The following PODXL variants were observed in gnomAD, a reference collection of about 807,000 sequenced individuals.
PODXL encodes the protein podocalyxin like, also known as podocalyxin.
Under a neutral mutation model 48.9 loss-of-function variants are expected in PODXL, and 20 were observed. That is an observed-to-expected ratio of 0.41 (90% CI 0.29 to 0.59). The LOEUF is 0.59. Ranked by LOEUF, PODXL falls within the 20% of genes least tolerant of loss-of-function variation. The pLI is 0.31. For missense variants in PODXL, 606 were observed against 675.1 expected (o/e 0.90, Z 1.13); for synonymous variants, 295 against 287.4 (o/e 1.03, Z -0.27).
chr7:131,546,725 CAAAAA>C (rs10593482), intron 1 of PODXL, among the ~76,000 whole-genome samples: 1,118 of 50,126 alleles, frequency 0.022, 20 homozygotes, highest in African/African-American at 0.074. Context: ...GGCCCTGTCT[CAAAAA>C]AAAAAAAAAA....
chr7:131,544,304 G>A (rs1041586246), intron 1 of PODXL, among the ~76,000 whole-genome samples: 7 of 152,226 alleles, frequency 4.6e-5, no homozygotes, highest in Non-Finnish European at 8.8e-5. Flanking sequence ...TTGCCCTAGA[G>A]TGCCTGTGGC....
intron 1 of PODXL, among the ~76,000 whole-genome samples, chr7:131,539,680 G>A (rs533568629): frequency 3.0e-4 from 46 of 152,336 alleles, no homozygotes; most frequent in African/African-American, 1.1e-3. Context: ...TATCCTTACT[G>A]AGGGCGGGGC....
At chr7:131,505,209 C>T (rs1434176457) in intron 8 of PODXL, among the ~76,000 whole-genome samples, 3 of 152,156 alleles carry the variant, frequency 2.0e-5, no homozygotes, top group African/African-American at 4.8e-5. Flanking sequence ...TTTGGTTAGA[C>T]AGAACACCTA....
At chr7:131,507,474 C>T (rs528205748) in intron 5 of PODXL, among the ~76,000 whole-genome samples, 1 of 152,276 alleles carries the variant, frequency 6.6e-6, no homozygotes, top group South Asian at 2.1e-4. Context: ...CTAGGGGCAC[C>T]CCTCCCTGGG....
intron 1 of PODXL, among the ~76,000 whole-genome samples, chr7:131,541,245 T>C (rs1316744397): frequency 1.3e-5 from 2 of 151,034 alleles, no homozygotes; most frequent in East Asian, 1.9e-4. Context: ...GCCCAGGAGG[T>C]GGAAGAAAAA....
intron 1 of PODXL, among the ~76,000 whole-genome samples, chr7:131,528,733 CAAAGGTTT>C (rs1798226921): frequency 6.6e-6 from 1 of 152,114 alleles, no homozygotes; most frequent in Non-Finnish European, 1.5e-5. Flanking sequence ...AAAATGGAGG[CAAAGGTTT>C]ATCTGAGAAT....
chr7:131,510,160 A>T (rs1317325095), intron 3 of PODXL, 76 bp downstream of exon 3: 2 of 429,560 alleles, frequency 4.7e-6, no homozygotes, highest in East Asian at 1.5e-4. Flanking sequence ...TTGATTTACT[A>T]GGTTAAGACA....
chr7:131,528,892 A>G (rs1338546162), intron 1 of PODXL, among the ~76,000 whole-genome samples: 2 of 152,170 alleles, frequency 1.3e-5, no homozygotes, highest in Non-Finnish European at 2.9e-5. Context: ...CTGACAGGCA[A>G]TGAGGAAGGT....
intron 1 of PODXL, among the ~76,000 whole-genome samples, chr7:131,539,208 G>A (rs903754390): frequency 2.0e-5 from 3 of 152,248 alleles, no homozygotes; most frequent in Non-Finnish European, 4.4e-5. Flanking sequence ...CACAGAAAAA[G>A]TGAGCTCTGC....
intron 1 of PODXL, among the ~76,000 whole-genome samples, chr7:131,549,035 GC>G (rs1798627587): frequency 6.6e-6 from 1 of 152,178 alleles, no homozygotes; most frequent in Admixed American, 6.5e-5. Context: ...GGAAGTCCCT[GC>G]CCTCATGGAA....
In PODXL at chr7:131,556,368, C is replaced by G; in HGVS notation, c.-9G>C. On this transcript the variant is annotated 5_prime_UTR_variant, in exon 1 of 9. Coordinates refer to ENST00000378555, the MANE Select transcript of PODXL (RefSeq NM_001018111.3). ...GCCAGCGCGCAGCGCATCGTGTCGT[C>G]GCCTCTGGGCCGGGAGCAGGTGGCT... 6 of 1,388,008 alleles carry G rather than the reference C, an allele frequency of 4.3e-6. No individual in the cohort carries two copies. Among genetic ancestry groups the G allele is most frequent in the Non-Finnish European group, 5.6e-6 (6 of 1,070,608 alleles). The allele number at this position is 1,388,008 out of a possible 1,614,324, so 86.0% of individuals were successfully genotyped here.
chr7:131,523,511 T>C (rs182151954), intron 1 of PODXL, among the ~76,000 whole-genome samples: 2 of 151,426 alleles, frequency 1.3e-5, no homozygotes, highest in East Asian at 4.0e-4. Flanking sequence ...TGAAACCCTG[T>C]CTCTACTAAA....
chr7:131,520,547 C>A (rs1042046654), intron 1 of PODXL: 1 of 164,742 alleles, frequency 6.1e-6, no homozygotes, highest in Non-Finnish European at 1.3e-5. Flanking sequence ...AGGTATAAAA[C>A]CACAAAAAAG....
At chr7:131,533,710 C>A (rs1052693826) in intron 1 of PODXL, among the ~76,000 whole-genome samples, 1 of 152,194 alleles carries the variant, frequency 6.6e-6, no homozygotes, top group South Asian at 2.1e-4. Flanking sequence ...CCCAAGGATA[C>A]TTGGCTCCCA....
Position 131,501,487 on chromosome 7 carries a change from T to G in PODXL, c.*2824A>C, listed in dbSNP as rs1200711374. On this transcript the variant is annotated 3_prime_UTR_variant, in exon 9 of 9. Coordinates refer to ENST00000378555, the MANE Select transcript of PODXL (RefSeq NM_001018111.3). ...CTTATCAAGCGGGAAAAAAATCTGGTGCCTAGACTAGATTAAACCCGTATT... is the reference window on the plus strand; with the variant it reads ...CTTATCAAGCGGGAAAAAAATCTGGGGCCTAGACTAGATTAAACCCGTATT... 1 of 152,584 alleles carries G rather than the reference T, an allele frequency of 6.6e-6. No individual in the cohort carries two copies. Among genetic ancestry groups the G allele is most frequent in the Non-Finnish European group, 1.5e-5 (1 of 68,034 alleles). 9.5% of individuals were successfully genotyped at this position (152,584 alleles called of 1,614,324 possible).
chr7:131,508,686 C>T (rs1284704326), intron 5 of PODXL, among the ~76,000 whole-genome samples: 1 of 118,456 alleles, frequency 8.4e-6, no homozygotes, highest in African/African-American at 3.5e-5. Context: ...AATAGTCACA[C>T]AGTGAAAGCC....
At chr7:131,533,809 C>A (rs1389694906) in intron 1 of PODXL, among the ~76,000 whole-genome samples, 3 of 152,218 alleles carry the variant, frequency 2.0e-5, no homozygotes, top group Admixed American at 6.5e-5. Context: ...TACCAGGGAG[C>A]CCGACACCCG....
At chr7:131,504,640 G>A (rs982398414) in intron 8 of PODXL, 132 bp from the exon 9 acceptor site, 6 of 728,994 alleles carry the variant, frequency 8.2e-6, no homozygotes, top group Non-Finnish European at 1.4e-5. Context: ...CGCCTGTGGG[G>A]CTGGCTGCTC....
Position 131,556,505 on chromosome 7 carries a change from G to T in PODXL, c.-146C>A. ...CTGTGGCCCGGGGCTCCCGAGTCGCGCTGCGGCGGCTCTTCCTCCCTGCCG... is the reference window on the plus strand; with the variant it reads ...CTGTGGCCCGGGGCTCCCGAGTCGCTCTGCGGCGGCTCTTCCTCCCTGCCG... On this transcript the variant is annotated 5_prime_UTR_variant, in exon 1 of 9. Coordinates refer to ENST00000378555, the MANE Select transcript of PODXL (RefSeq NM_001018111.3). The T allele has an allele frequency of 1.0e-6, 1 of 970,986 alleles. No individual in the cohort carries two copies. The highest frequency in any genetic ancestry group is 1.3e-6 in the Non-Finnish European group (1 of 748,398). 60.1% of individuals were successfully genotyped at this position (970,986 alleles called of 1,614,324 possible).
Sources: allele counts gnomAD v4.1 joint callset (sites outside exome capture counted in the v4.1 genomes callset), GRCh38; gene constraint gnomAD v4.1.1; transcripts MANE v1.5; gene names NCBI Gene and HGNC (gene_info 2026-07-23, HGNC 2026-07-21).